The following DPP10 variants were observed in gnomAD, a reference collection of about 807,000 sequenced individuals.
The protein encoded by DPP10 is inactive dipeptidyl peptidase 10.
In DPP10, 33 loss-of-function variants were observed where a neutral mutation model predicts 120.9. The observed-to-expected ratio is 0.27, with a 90% CI of 0.21 to 0.37. DPP10 has a LOEUF of 0.37. DPP10 is among the 10% of genes least tolerant of loss of function. The pLI, the probability that DPP10 is intolerant of heterozygous loss-of-function variation, is 1.00. For synonymous variants in DPP10, 337 were observed against 326.1 expected (o/e 1.03, Z -0.36); for missense variants, 816 against 942.8 (o/e 0.87, Z 1.76).
At chr2:115,730,058 A>G (rs1316697145) in intron 8 of DPP10, among the ~76,000 whole-genome samples, 5 of 152,168 alleles carry the variant, frequency 3.3e-5, no homozygotes, top group Admixed American at 2.0e-4. Flanking sequence ...CCTACCATTT[A>G]ATAGGAAAAC....
intron 5 of DPP10, among the ~76,000 whole-genome samples, chr2:115,645,031 G>A (rs1269563138): frequency 1.3e-5 from 2 of 152,224 alleles, no homozygotes; most frequent in South Asian, 2.1e-4. Flanking sequence ...GAACTGTATA[G>A]GAACTTGCCC....
chr2:114,795,561 T>C (rs956729019), intron 1 of DPP10, among the ~76,000 whole-genome samples: 8 of 151,972 alleles, frequency 5.3e-5, no homozygotes, highest in African/African-American at 1.2e-4. Context: ...AATCTAAGTA[T>C]AGTGCACCGT....
chr2:115,654,997 T>C (rs1466861386), intron 5 of DPP10, among the ~76,000 whole-genome samples: 1 of 151,758 alleles, frequency 6.6e-6, no homozygotes, highest in Non-Finnish European at 1.5e-5. Flanking sequence ...TTATTTTCTA[T>C]TTTATCTTGT....
intron 1 of DPP10, among the ~76,000 whole-genome samples, chr2:114,549,743 C>T (rs527698018): frequency 3.1e-4 from 46 of 148,140 alleles, no homozygotes; most frequent in African/African-American, 5.7e-4. Context: ...AGAGAGAGGG[C>T]GAGAGGGGCA....
At chr2:115,073,774 T>C (rs138023036) in intron 1 of DPP10, among the ~76,000 whole-genome samples, 278 of 152,362 alleles carry the variant, frequency 1.8e-3, no homozygotes, top group African/African-American at 6.3e-3. Flanking sequence ...GTTCCAAGGC[T>C]GTTCAAGTTC....
intron 1 of DPP10, among the ~76,000 whole-genome samples, chr2:114,683,096 T>A (rs926197904): frequency 5.3e-5 from 8 of 151,988 alleles, no homozygotes; most frequent in Admixed American, 4.6e-4. Flanking sequence ...TAAGAACAAT[T>A]GTATTTATTC....
rs199775932 is a variant in DPP10, at chr2:115,652,413, G to GTA, written c.442-37273_442-37272insAT. On this transcript the variant is annotated intron_variant, in intron 5 of 25. Coordinates refer to ENST00000410059, the MANE Select transcript of DPP10 (RefSeq NM_020868.6). ...AAGAAAACCAATAGGATATATATGT[G>GTA]TGTGTGTGTGTGTGTGTGTGTGTGT... 9.0e-3 allele frequency among the ~76,000 whole-genome samples: 1,329 copies of GTA among 147,612 alleles called. 20 individuals carry two copies. Among genetic ancestry groups the GTA allele is most frequent in the African/African-American group, 0.031 (1,260 of 40,100 alleles).
At chr2:115,537,361 G>A (rs1247177621) in intron 5 of DPP10, among the ~76,000 whole-genome samples, 2 of 151,950 alleles carry the variant, frequency 1.3e-5, no homozygotes, top group African/African-American at 2.4e-5. Flanking sequence ...ACATGGGGAG[G>A]CCACAAAGTA....
chr2:114,480,268 C>G (rs1315290371), intron 1 of DPP10, among the ~76,000 whole-genome samples: 1 of 151,542 alleles, frequency 6.6e-6, no homozygotes, highest in Admixed American at 6.6e-5. Context: ...GGACTGTAAA[C>G]TAGTTCAACC....
At chr2:115,140,609 A>G (rs1280402257) in intron 1 of DPP10, among the ~76,000 whole-genome samples, 1 of 152,210 alleles carries the variant, frequency 6.6e-6, no homozygotes, top group Non-Finnish European at 1.5e-5. Flanking sequence ...TGTTGCAACA[A>G]TTCAGACCAA....
At chr2:114,444,316 A>T (rs1429783710) in intron 1 of DPP10, among the ~76,000 whole-genome samples, 2 of 152,184 alleles carry the variant, frequency 1.3e-5, no homozygotes, top group African/African-American at 4.8e-5. Context: ...CTACATTGGG[A>T]TATATAAGCT....
chr2:115,206,365 C>G (rs2056128974), intron 1 of DPP10, among the ~76,000 whole-genome samples: 1 of 152,040 alleles, frequency 6.6e-6, no homozygotes, highest in African/African-American at 2.4e-5. Flanking sequence ...AATTACTATT[C>G]TCTGAAAAAA....
At chr2:115,803,344 T>C (rs1029410492) in intron 19 of DPP10, among the ~76,000 whole-genome samples, 5 of 152,200 alleles carry the variant, frequency 3.3e-5, no homozygotes, top group African/African-American at 1.2e-4. Flanking sequence ...TGAGATGGGT[T>C]TTCTGAATAC....
intron 8 of DPP10, among the ~76,000 whole-genome samples, chr2:115,734,771 G>C (rs573415664): frequency 6.6e-6 from 1 of 150,460 alleles, no homozygotes; most frequent in East Asian, 2.0e-4. Context: ...TGTGTCATGT[G>C]TATAACTCAT....
At chr2:115,840,139 T>A (rs62157984) in intron 24 of DPP10, among the ~76,000 whole-genome samples, 12,257 of 151,364 alleles carry the variant, frequency 0.081, 661 homozygotes, top group Non-Finnish European at 0.12. Flanking sequence ...AAAATATGTG[T>A]ACCATTAGGA....
At chr2:114,737,208 T>G (rs906302807) in intron 1 of DPP10, among the ~76,000 whole-genome samples, 4 of 152,178 alleles carry the variant, frequency 2.6e-5, no homozygotes, top group Non-Finnish European at 5.9e-5. Flanking sequence ...TCTCAGCTCA[T>G]TGGAATACAA....
intron 1 of DPP10, among the ~76,000 whole-genome samples, chr2:114,571,589 G>A (rs1040364175): frequency 4.6e-5 from 7 of 151,928 alleles, no homozygotes; most frequent in Admixed American, 6.6e-5. Flanking sequence ...AGACGCCACC[G>A]CTAAAACTTA....
intron 1 of DPP10, among the ~76,000 whole-genome samples, chr2:114,945,615 G>T (rs1697289287): frequency 1.3e-5 from 2 of 152,130 alleles, no homozygotes; most frequent in Non-Finnish European, 2.9e-5. Flanking sequence ...AGGAGTTAGA[G>T]ACCAGCCTGG....
chr2:115,162,184 C>T lies in DPP10; in HGVS notation c.61-147055C>T. ...CCAGGCTCTCCTGCTTCTCCACGGA[C>T]TCTGCGGGAAGTTAGAGCCTCTGCG... On this transcript the variant is annotated intron_variant, in intron 1 of 25. Coordinates refer to ENST00000410059, the MANE Select transcript of DPP10 (RefSeq NM_020868.6). The T allele has an allele frequency of 3.2e-6, 5 of 1,548,920 alleles. No homozygotes were observed. In the South Asian group the frequency reaches 5.9e-5, roughly 18 times the overall value.
Sources: gnomAD v4.1 joint callset for allele counts (sites outside exome capture counted in the v4.1 genomes callset) on GRCh38, gnomAD v4.1.1 for gene constraint, MANE v1.5 for transcripts, NCBI Gene and HGNC (gene_info 2026-07-23, HGNC 2026-07-21) for gene names.